CACNA2D1: variants seen among roughly 807,000 people sequenced by gnomAD.
CACNA2D1 encodes voltage-dependent calcium channel subunit alpha-2/delta-1.
A neutral mutation model predicts 171.5 loss-of-function variants in CACNA2D1; 53 were observed. The observed-to-expected ratio is 0.31, with a 90% CI of 0.25 to 0.39. CACNA2D1 has a LOEUF of 0.39. Among genes scored for constraint, CACNA2D1 ranks in the 10% least tolerant of loss-of-function variants. The pLI is 1.00. For synonymous variants in CACNA2D1, 442 were observed against 443.1 expected (o/e 1.00, Z 0.03); for missense variants, 903 against 1,299.8 (o/e 0.69, Z 4.69).
chr7:82,305,278 T>A (rs1813576095), intron 3 of CACNA2D1, among the ~76,000 whole-genome samples: 1 of 152,124 alleles, frequency 6.6e-6, no homozygotes, highest in African/African-American at 2.4e-5. Flanking sequence ...ATAGAAATAA[T>A]AGGATGATAA....
chr7:82,157,070 C>T (rs570335886), intron 4 of CACNA2D1, among the ~76,000 whole-genome samples: 16 of 152,088 alleles, frequency 1.1e-4, no homozygotes, highest in Non-Finnish European at 2.2e-4. Flanking sequence ...AATTATGGTA[C>T]AATTGCCTGT....
chr7:82,440,854 G>A (rs1295446965), intron 1 of CACNA2D1, among the ~76,000 whole-genome samples: 1 of 151,322 alleles, frequency 6.6e-6, no homozygotes, highest in African/African-American at 2.4e-5. Context: ...AATTCTAATT[G>A]AAGTCCAACT....
intron 12 of CACNA2D1, chr7:82,029,258 G>A (rs552455918): frequency 2.0e-5 from 3 of 151,814 alleles, no homozygotes; most frequent in South Asian, 4.2e-4. Flanking sequence ...GTGAATTAAA[G>A]AATAGAGTAT....
In CACNA2D1 at chr7:82,384,689, T is replaced by C. The variant is rs548033213; in HGVS notation, c.96-35040A>G. Reference sequence around the variant, plus strand: ...TGTCTGGAAAGAACTTGTTTTATAATGTGAAATAAACATTTTGTTAAATGC... The same window carrying C: ...TGTCTGGAAAGAACTTGTTTTATAACGTGAAATAAACATTTTGTTAAATGC... On this transcript the variant is annotated intron_variant, in intron 1 of 38. Transcript: ENST00000356860. 4.6e-5 allele frequency among the ~76,000 whole-genome samples: 7 copies of C among 152,308 alleles called. No individual in the cohort carries two copies. In the South Asian group the frequency reaches 1.0e-3, roughly 23 times the overall value.
chr7:82,154,523 A>G (rs1372083022), intron 4 of CACNA2D1, among the ~76,000 whole-genome samples: 1 of 152,186 alleles, frequency 6.6e-6, no homozygotes, highest in Non-Finnish European at 1.5e-5. Flanking sequence ...CAATAGGTGC[A>G]GCAAACCACT....
At chr7:82,430,286 T>C (rs1829562806) in intron 1 of CACNA2D1, among the ~76,000 whole-genome samples, 1 of 151,666 alleles carries the variant, frequency 6.6e-6, no homozygotes, top group South Asian at 2.1e-4. Flanking sequence ...GGCATGGTGG[T>C]TGGCACCTGT....
chr7:82,176,706 C>G (rs529938833), intron 3 of CACNA2D1, among the ~76,000 whole-genome samples: 2 of 151,426 alleles, frequency 1.3e-5, no homozygotes, highest in Admixed American at 1.3e-4. Flanking sequence ...ATTTCTAGGA[C>G]AAGAAGCCTA....
At chr7:82,382,651 T>C (rs978950689) in intron 1 of CACNA2D1, among the ~76,000 whole-genome samples, 3 of 152,202 alleles carry the variant, frequency 2.0e-5, no homozygotes, top group Non-Finnish European at 2.9e-5. Flanking sequence ...CTTTTATTTG[T>C]TATTAGTTGT....
At chr7:82,107,010 C>T (rs1787837776) in intron 6 of CACNA2D1, among the ~76,000 whole-genome samples, 1 of 152,098 alleles carries the variant, frequency 6.6e-6, no homozygotes, top group African/African-American at 2.4e-5. Flanking sequence ...AGCAGAATTT[C>T]CTTTGGCTGT....
At chr7:82,076,753 T>G (rs1387286327) in intron 7 of CACNA2D1, among the ~76,000 whole-genome samples, 6 of 152,178 alleles carry the variant, frequency 3.9e-5, no homozygotes, top group African/African-American at 1.2e-4. Flanking sequence ...CAAACCATTC[T>G]GACATTCAAG....
chr7:82,375,755 T>C (rs960467201), intron 1 of CACNA2D1, among the ~76,000 whole-genome samples: 1 of 152,184 alleles, frequency 6.6e-6, no homozygotes, highest in Non-Finnish European at 1.5e-5. Context: ...TTAGTAAATA[T>C]ATTCAATGCC....
At chr7:82,402,838 G>GT (rs1361872308) in intron 1 of CACNA2D1, among the ~76,000 whole-genome samples, 1 of 151,742 alleles carries the variant, frequency 6.6e-6, no homozygotes, top group Non-Finnish European at 1.5e-5. Flanking sequence ...GAAGTTACGG[G>GT]TTTTTTTAAA....
At chr7:82,207,864 A>C (rs1438225044) in intron 3 of CACNA2D1, among the ~76,000 whole-genome samples, 1 of 152,216 alleles carries the variant, frequency 6.6e-6, no homozygotes, top group Non-Finnish European at 1.5e-5. Context: ...ATATTTCTAA[A>C]CACATATATA....
intron 3 of CACNA2D1, among the ~76,000 whole-genome samples, chr7:82,219,170 G>T (rs185353670): frequency 3.4e-4 from 51 of 152,220 alleles, no homozygotes; most frequent in African/African-American, 1.2e-3. Context: ...AAGTCTTTGG[G>T]ATTGCAATGC....
chr7:82,238,947 T>C (rs536224929), intron 3 of CACNA2D1, among the ~76,000 whole-genome samples: 1 of 152,202 alleles, frequency 6.6e-6, no homozygotes, highest in African/African-American at 2.4e-5. Context: ...AAGATAGATA[T>C]GCAACAATCT....
intron 26 of CACNA2D1, 114 bp from the exon 27 acceptor site, chr7:81,970,851 T>C (rs1795192792): frequency 4.1e-6 from 3 of 740,052 alleles, no homozygotes; most frequent in African/African-American, 3.4e-5. Flanking sequence ...AATATATCAA[T>C]AGATACACAA....
At chr7:82,079,080 G>A (rs943970467) in intron 7 of CACNA2D1, among the ~76,000 whole-genome samples, 11 of 152,152 alleles carry the variant, frequency 7.2e-5, no homozygotes, top group Non-Finnish European at 1.5e-4. Context: ...AGTCAGCACT[G>A]CATAGGTACC....
chr7:82,307,904 G>T lies in CACNA2D1; in HGVS notation c.294+27231C>A, dbSNP rs549823463. On this transcript the variant is annotated intron_variant, in intron 3 of 38. Transcript: ENST00000356860. ...AACCTGATGGTGAAAGATTTGAAAA[G>T]ATTTTACAAGAGCTCTATGGTCATC... is the stretch of plus-strand genomic sequence containing the variant. Among the ~76,000 whole-genome samples the T allele has an allele frequency of 3.9e-5, 6 of 152,308 alleles. No individual in the cohort carries two copies. In the East Asian group the frequency reaches 1.2e-3, roughly 29 times the overall value.
At position 81,970,005 on chromosome 7, in the gene CACNA2D1, C is replaced by G. The variant is rs759010104; in HGVS notation, c.2205-21G>C. On this transcript the variant is annotated intron_variant, in intron 27 of 38. Transcript: ENST00000356860. ...CAGCCCTAAGGAGGAAATGGCTCAT[C>G]ATTTGTATTCTTTAATCTACCTGAT... 6.6e-6 allele frequency: 9 copies of G among 1,366,118 alleles called. No individual in the cohort carries two copies. The South Asian group carries it at 7.0e-5, about 11-fold the overall frequency. The allele number at this position is 1,366,118 out of a possible 1,614,324, so 84.6% of individuals were successfully genotyped here.
Sources: allele counts gnomAD v4.1 joint callset (sites outside exome capture counted in the v4.1 genomes callset), GRCh38; gene constraint gnomAD v4.1.1; transcripts MANE v1.5; gene names NCBI Gene and HGNC (gene_info 2026-07-23, HGNC 2026-07-21).